CCBE1: variants seen among roughly 807,000 people sequenced by gnomAD.
CCBE1 encodes the protein collagen and calcium binding EGF domains 1, also known as collagen and calcium-binding EGF domain-containing protein 1.
In CCBE1, 37 loss-of-function variants were observed where a neutral mutation model predicts 50.0. The ratio of observed to expected loss-of-function variants is 0.74; its 90% CI spans 0.57 to 0.97. The LOEUF is 0.97. Among genes scored for constraint, CCBE1 ranks in the 50% least tolerant of loss-of-function variants. The pLI is 0.00. For synonymous variants in CCBE1, 234 were observed against 203.7 expected (o/e 1.15, Z -1.27); for missense variants, 538 against 523.8 (o/e 1.03, Z -0.26).
chr18:59,692,889 C>A (rs202025370), intron 2 of CCBE1, among the ~76,000 whole-genome samples: 1 of 150,502 alleles, frequency 6.6e-6, no homozygotes. Context: ...ACCCCAAAGC[C>A]AAAATCACAG....
intron 5 of CCBE1, among the ~76,000 whole-genome samples, chr18:59,460,727 T>G (rs1237382057): frequency 6.6e-6 from 1 of 151,692 alleles, no homozygotes; most frequent in Admixed American, 6.6e-5. Flanking sequence ...AGATCGGGAG[T>G]TCGAGACCAG....
intron 2 of CCBE1, among the ~76,000 whole-genome samples, chr18:59,647,473 G>A (rs1235627923): frequency 6.6e-6 from 1 of 152,134 alleles, no homozygotes; most frequent in Non-Finnish European, 1.5e-5. Context: ...GTAGTTTTCT[G>A]TATTTTCCAG....
intron 2 of CCBE1, among the ~76,000 whole-genome samples, chr18:59,583,633 C>T (rs1041032291): frequency 1.3e-4 from 20 of 151,568 alleles, no homozygotes; most frequent in African/African-American, 4.8e-4. Context: ...CAGCCTAAGG[C>T]CTTACCCTGT....
At chr18:59,476,034 T>C (rs1912290249) in intron 3 of CCBE1, among the ~76,000 whole-genome samples, 1 of 152,194 alleles carries the variant, frequency 6.6e-6, no homozygotes, top group Non-Finnish European at 1.5e-5. Context: ...CCACATTTAC[T>C]GAATGCTTAC....
intron 2 of CCBE1, among the ~76,000 whole-genome samples, chr18:59,529,835 A>G (rs1212619842): frequency 1.3e-5 from 2 of 152,102 alleles, no homozygotes; most frequent in African/African-American, 4.8e-5. Flanking sequence ...TGAAATATCT[A>G]AAGTTTTTCA....
chr18:59,577,937 C>A (rs1224727889), intron 2 of CCBE1, among the ~76,000 whole-genome samples: 1 of 149,312 alleles, frequency 6.7e-6, no homozygotes, highest in East Asian at 1.9e-4. Context: ...AAAGCAATGG[C>A]AACAAAAGCC....
At chr18:59,486,568 C>A (rs1203645455) in intron 2 of CCBE1, among the ~76,000 whole-genome samples, 1 of 152,200 alleles carries the variant, frequency 6.6e-6, no homozygotes, top group East Asian at 1.9e-4. Context: ...ATGAACATGG[C>A]AAGAGGATTG....
At chr18:59,658,352 AAAATATATATATATATATATATAT>A (rs1568258444) in intron 2 of CCBE1, among the ~76,000 whole-genome samples, 5 of 20,994 alleles carry the variant, frequency 2.4e-4, no homozygotes, top group African/African-American at 7.0e-4. Context: ...AAAAAAAAAA[AAAATATATATATATATATATATAT>A]ATATATATAT....
At chr18:59,647,643 T>G (rs929603087) in intron 2 of CCBE1, among the ~76,000 whole-genome samples, 1 of 152,180 alleles carries the variant, frequency 6.6e-6, no homozygotes, top group Non-Finnish European at 1.5e-5. Flanking sequence ...TGCACGCATA[T>G]TAGAACTTTC....
rs192662245 is a variant in CCBE1 at position 59,613,005 on chromosome 18, T to A, written c.212+83624A>T. 4.9e-3 allele frequency among the ~76,000 whole-genome samples: 751 copies of A among 152,054 alleles called. 4 individuals carry two copies. Among genetic ancestry groups the A allele is most frequent in the Non-Finnish European group, 8.4e-3 (570 of 67,994 alleles). On this transcript the variant is annotated intron_variant, in intron 2 of 10. Transcript: ENST00000439986. ...TATCATTAAGTGCTAAATTGCAAGG[T>A]ATGGACTTTAAATCCTAAAGGAATT...
At position 59,683,909 on chromosome 18, in the gene CCBE1, G is replaced by A. The variant is rs1291550056; in HGVS notation, c.212+12720C>T. 3.3e-5 allele frequency among the ~76,000 whole-genome samples: 5 copies of A among 150,922 alleles called. No individual in the cohort carries two copies. The East Asian group carries it at 5.9e-4, about 18-fold the overall frequency. On this transcript the variant is annotated intron_variant, in intron 2 of 10. Transcript: ENST00000439986. The stretch of plus-strand genomic sequence containing the variant: ...TCAGTGACCACCAAGACATGGTCCC[G>A]GCTGTGCCAAGACCTCAAACCCCTC...
intron 2 of CCBE1, among the ~76,000 whole-genome samples, chr18:59,497,760 C>T (rs1300443601): frequency 7.2e-5 from 11 of 152,156 alleles, no homozygotes; most frequent in East Asian, 1.9e-4. Context: ...CTGCCCAGCC[C>T]GCAGTCCTCC....
chr18:59,533,075 A>G (rs1390604783), intron 2 of CCBE1, among the ~76,000 whole-genome samples: 1 of 152,214 alleles, frequency 6.6e-6, no homozygotes, highest in Non-Finnish European at 1.5e-5. Context: ...CTTGATCCTA[A>G]GTTCTCTTTT....
chr18:59,641,482 A>T (rs530748258), intron 2 of CCBE1, among the ~76,000 whole-genome samples: 19 of 152,144 alleles, frequency 1.2e-4, no homozygotes, highest in Admixed American at 1.2e-3. Flanking sequence ...GGACCGAAAC[A>T]CTACCTATTG....
intron 2 of CCBE1, among the ~76,000 whole-genome samples, chr18:59,521,660 G>C (rs1036036538): frequency 3.9e-5 from 6 of 152,138 alleles, no homozygotes; most frequent in Non-Finnish European, 7.3e-5. Flanking sequence ...ACTTACAAAG[G>C]AATCAGATAT....
At chr18:59,524,487 G>A (rs953672182) in intron 2 of CCBE1, among the ~76,000 whole-genome samples, 61 of 152,166 alleles carry the variant, frequency 4.0e-4, no homozygotes, top group African/African-American at 1.4e-3. Flanking sequence ...TCAACCAGAA[G>A]GATAGAAACA....
At chr18:59,479,946 C>G (rs1912487177) in intron 3 of CCBE1, among the ~76,000 whole-genome samples, 1 of 152,170 alleles carries the variant, frequency 6.6e-6, no homozygotes, top group Admixed American at 6.5e-5. Context: ...ATCATAAAAC[C>G]TGAAATACTA....
At chr18:59,643,220 T>C in intron 2 of CCBE1, among the ~76,000 whole-genome samples, 1 of 152,162 alleles carries the variant, frequency 6.6e-6, no homozygotes, top group East Asian at 1.9e-4. Context: ...AATCTAGTAT[T>C]ATTCATCCTA....
intron 3 of CCBE1, among the ~76,000 whole-genome samples, chr18:59,473,223 G>A (rs1197317724): frequency 6.6e-6 from 1 of 152,152 alleles, no homozygotes; most frequent in Non-Finnish European, 1.5e-5. Flanking sequence ...CAACCCTTAT[G>A]ATTACTACTG....
Sources: gnomAD v4.1 joint callset for allele counts (sites outside exome capture counted in the v4.1 genomes callset) on GRCh38, gnomAD v4.1.1 for gene constraint, MANE v1.5 for transcripts, NCBI Gene and HGNC (gene_info 2026-07-23, HGNC 2026-07-21) for gene names.